Variants in PRRX2 observed in about 807,000 individuals in gnomAD.
The protein encoded by PRRX2 is paired related homeobox 2.
In PRRX2, 11 loss-of-function variants were observed where a neutral mutation model predicts 18.0. That is an observed-to-expected ratio of 0.61 (90% CI 0.39 to 1.01). The LOEUF is 1.01. PRRX2 is among the 50% of genes least tolerant of loss of function. PRRX2 has a pLI of 0.01. For synonymous variants in PRRX2, 177 were observed against 154.8 expected, an observed-to-expected ratio of 1.14 and a Z score of -1.06; for missense variants, 387 against 351.0, an observed-to-expected ratio of 1.10 and a Z score of -0.82.
At chr9:129,691,681 CTTTTT>C (rs57659621) in intron 1 of PRRX2, among the ~76,000 whole-genome samples, 1 of 141,490 alleles carries the variant, frequency 7.1e-6, no homozygotes, top group Non-Finnish European at 1.5e-5. Context: ...TTTAAATATA[CTTTTT>C]TTTTTTTTTT....
At chr9:129,718,329 C>T (rs759912785) in intron 1 of PRRX2, among the ~76,000 whole-genome samples, 12 of 152,184 alleles carry the variant, frequency 7.9e-5, no homozygotes, top group East Asian at 5.8e-4. Context: ...GGGGCCTCCC[C>T]GGCCAGCTCC....
At chr9:129,700,758 C>T (rs529682300) in intron 1 of PRRX2, among the ~76,000 whole-genome samples, 1 of 152,244 alleles carries the variant, frequency 6.6e-6, no homozygotes, top group African/African-American at 2.4e-5. Flanking sequence ...GCTGGGACTA[C>T]AGGTGCGTGC....
At chr9:129,703,852 A>G (rs1019449494) in intron 1 of PRRX2, among the ~76,000 whole-genome samples, 2 of 152,140 alleles carry the variant, frequency 1.3e-5, no homozygotes, top group African/African-American at 2.4e-5. Flanking sequence ...ACCTCCAGCG[A>G]TGTTTAAAGT....
intron 1 of PRRX2, among the ~76,000 whole-genome samples, chr9:129,707,179 C>T (rs978980783): frequency 3.3e-5 from 5 of 152,012 alleles, no homozygotes. Context: ...TCGCTTGAAC[C>T]CAGGAGGCAG....
intron 1 of PRRX2, among the ~76,000 whole-genome samples, chr9:129,702,574 T>C (rs965673314): frequency 2.6e-5 from 4 of 152,222 alleles, no homozygotes; most frequent in African/African-American, 4.8e-5. Context: ...AGAATTTCAT[T>C]GAGATGGCCA....
At chr9:129,692,562 C>T (rs73670176) in intron 1 of PRRX2, among the ~76,000 whole-genome samples, 1,880 of 152,280 alleles carry the variant, frequency 0.012, 28 homozygotes, top group African/African-American at 0.043. Flanking sequence ...CCTCTTCATC[C>T]GTCCCTCCTG....
At chr9:129,693,732 T>A (rs886751054) in intron 1 of PRRX2, among the ~76,000 whole-genome samples, 10 of 152,204 alleles carry the variant, frequency 6.6e-5, no homozygotes, top group African/African-American at 2.4e-4. Flanking sequence ...GTTGGATAAT[T>A]TTTCCTGCCA....
At position 129,665,927 on chromosome 9, in the gene PRRX2, G is replaced by GCCGCCT; in HGVS notation, c.63_68dup (p.Pro23_Pro24dup). 1 of 1,117,076 alleles carries GCCGCCT rather than the reference G, an allele frequency of 9.0e-7. No homozygotes were observed. Among genetic ancestry groups the GCCGCCT allele is most frequent in the Non-Finnish European group, 1.1e-6 (1 of 914,598 alleles). 69.2% of individuals were successfully genotyped at this position (1,117,076 alleles called of 1,614,324 possible). On this transcript the variant is annotated inframe_insertion, in exon 1 of 4. Coordinates refer to ENST00000372469, the MANE Select transcript of PRRX2 (RefSeq NM_016307.4). The surrounding 1 kb of genome is among the most constrained non-coding windows in gnomAD (Gnocchi z 5.3). ...AGCCGGCGCTGGGCCCGGGGCCGCC[G>GCCGCCT]CCGCCTCCACCCGCGCTGGGGCCCG...
chr9:129,710,094 G>C (rs966622357), intron 1 of PRRX2, among the ~76,000 whole-genome samples: 2 of 152,340 alleles, frequency 1.3e-5, no homozygotes, highest in African/African-American at 4.8e-5. Context: ...GTGGGTCCAG[G>C]AGGGCTTCTT....
At chr9:129,710,457 G>T (rs1047070059) in intron 1 of PRRX2, among the ~76,000 whole-genome samples, 1 of 152,222 alleles carries the variant, frequency 6.6e-6, no homozygotes, top group East Asian at 1.9e-4. Context: ...AGCTTGGCCG[G>T]GCGCGGTGGC....
At chr9:129,720,372 A>G (rs1832773821) in intron 2 of PRRX2, among the ~76,000 whole-genome samples, 1 of 152,140 alleles carries the variant, frequency 6.6e-6, no homozygotes, top group Non-Finnish European at 1.5e-5. Flanking sequence ...CTCATTCTCC[A>G]ACACATTCTC....
At chr9:129,684,347 T>G (rs1449205872) in intron 1 of PRRX2, among the ~76,000 whole-genome samples, 2 of 151,752 alleles carry the variant, frequency 1.3e-5, no homozygotes, top group Non-Finnish European at 2.9e-5. Context: ...GCAATGACAC[T>G]GGGGCCTGGG....
At chr9:129,677,787 A>C (rs1252444146) in intron 1 of PRRX2, among the ~76,000 whole-genome samples, 1 of 152,198 alleles carries the variant, frequency 6.6e-6, no homozygotes, top group Admixed American at 6.5e-5. Context: ...CAGGGCTCAA[A>C]GCGGGAAATT....
chr9:129,721,056 G>A (rs73627669), intron 3 of PRRX2, among the ~76,000 whole-genome samples: 1 of 152,240 alleles, frequency 6.6e-6, no homozygotes, highest in African/African-American at 2.4e-5. Context: ...CGTATGCAAA[G>A]GAGCGTGCAA....
Position 129,720,721 on chromosome 9 carries a change from G to C in PRRX2, c.573G>C (p.Arg191=). ...CCATCGAGCAGCCCGTGGCTCCCCG[G>C]CCCACCGCCCTGAGTCCAGATTATC... The part of the protein sequence containing the change: ...EAAIEQPVAP[R]PTALSPDYLS... Residue 191 remains arginine (R), a synonymous_variant, in exon 3 of 4, where the codon CGG becomes CGC. Transcript: ENST00000372469. The C allele has an allele frequency of 6.2e-7, 1 of 1,612,142 alleles. No homozygotes were observed. Among genetic ancestry groups the C allele is most frequent in the Non-Finnish European group, 8.5e-7 (1 of 1,179,320 alleles).
rs1405788952 is a variant in PRRX2 at position 129,715,689 on chromosome 9, G to A, written c.260-3542G>A. On this transcript the variant is annotated intron_variant, in intron 1 of 3. Coordinates refer to ENST00000372469, the MANE Select transcript of PRRX2 (RefSeq NM_016307.4). This position sits in a 1 kb window ranked among gnomAD's most constrained non-coding sequence, Gnocchi z 4.0. ...TCCTAACGATCAAAAATGTCTCACA[G>A]GGGCAAAATTGCCCTCGGTTGAGAA... Among the ~76,000 whole-genome samples, 1 of 151,696 alleles carries A rather than the reference G, an allele frequency of 6.6e-6. No homozygotes were observed. Among genetic ancestry groups the A allele is most frequent in the Admixed American group, 6.6e-5 (1 of 15,196 alleles).
At chr9:129,720,485 G>T in intron 2 of PRRX2, 111 bp from the exon 3 acceptor site, 3 of 1,033,826 alleles carry the variant, frequency 2.9e-6, no homozygotes, top group Non-Finnish European at 4.2e-6. Flanking sequence ...GAGGGTCAGA[G>T]AGGTGACGCT....
chr9:129,682,870 C>T (rs572632608), intron 1 of PRRX2, among the ~76,000 whole-genome samples: 35 of 152,162 alleles, frequency 2.3e-4, no homozygotes, highest in African/African-American at 7.7e-4. Context: ...TTTGGGAGGC[C>T]GGAGTGGGCG....
In PRRX2 at chr9:129,722,218, A is replaced by G; in HGVS notation, c.628A>G (p.Thr210Ala). 6.2e-7 allele frequency: 1 copy of G among 1,613,430 alleles called. No homozygotes were observed. The highest frequency in any genetic ancestry group is 8.5e-7 in the Non-Finnish European group (1 of 1,179,726). Reference sequence around the variant, plus strand: ...ACCTGTGTCTCATGTCGCCCCCAGCACAGTGCCACCCTACAGCCCTGGGAG... The same window carrying G: ...ACCTGTGTCTCATGTCGCCCCCAGCGCAGTGCCACCCTACAGCCCTGGGAG... ...LSWTASSPYSTVPPYSPGSSG... is the reference protein window; with the variant it reads ...LSWTASSPYSAVPPYSPGSSG... Residue 210 changes from threonine to alanine, a missense_variant and splice_region_variant, in exon 4 of 4, where the codon ACA becomes GCA. Thr to Ala is a moderately conservative substitution (Grantham distance 58). Transcript: ENST00000372469.
Sources: allele counts gnomAD v4.1 joint callset (sites outside exome capture counted in the v4.1 genomes callset), GRCh38; gene constraint gnomAD v4.1.1; non-coding constraint Gnocchi (gnomAD v3.1); transcripts MANE v1.5; gene names NCBI Gene and HGNC (gene_info 2026-07-23, HGNC 2026-07-21).